GARRE1: variants seen among roughly 807,000 people sequenced by gnomAD.
GARRE1 encodes granule associated Rac and RHOG effector 1.
Under a neutral mutation model 103.2 loss-of-function variants are expected in GARRE1, and 49 were observed. That is an observed-to-expected ratio of 0.47 (90% CI 0.38 to 0.60). The LOEUF is 0.60. GARRE1 is among the 20% of genes least tolerant of loss of function. The pLI is 0.00. For synonymous variants in GARRE1, 505 were observed against 532.8 expected (o/e 0.95, Z 0.72); for missense variants, 1,199 against 1,370.5 (o/e 0.87, Z 1.98).
At chr19:34,298,652 G>A (rs576514204) in intron 1 of GARRE1, among the ~76,000 whole-genome samples, 9 of 152,114 alleles carry the variant, frequency 5.9e-5, no homozygotes, top group African/African-American at 2.2e-4. Flanking sequence ...GGAGGTTGTG[G>A]TGAGCTGAGA....
Position 34,342,055 on chromosome 19 carries a change from A to G in GARRE1, c.2121A>G (p.Ala707=), listed in dbSNP as rs376018602. The stretch of plus-strand genomic sequence containing the variant: ...CACCACGGGCACCCCAGGCTGGGGC[A>G]CACACACCTCTGACACCCCAGCCGG... The part of the protein sequence containing the change: ...PPPPRAPQAG[A]HTPLTPQPGL... Residue 707 remains alanine, a synonymous_variant, in exon 10 of 14, where the codon GCA becomes GCG. Transcript: ENST00000299505. 1.1e-4 allele frequency: 181 copies of G among 1,614,086 alleles called. No homozygotes were observed. The highest frequency in any genetic ancestry group is 1.4e-4 in the Non-Finnish European group (170 of 1,180,022).
chr19:34,283,924 C>T (rs866110256), intron 1 of GARRE1, among the ~76,000 whole-genome samples: 8 of 150,232 alleles, frequency 5.3e-5, no homozygotes, highest in African/African-American at 2.0e-4. Context: ...CTCCGCCTCC[C>T]AGGTTCATGC....
intron 6 of GARRE1, 124 bp from the exon 7 acceptor site, chr19:34,330,065 A>G (rs2074130283): frequency 3.4e-6 from 3 of 894,358 alleles, no homozygotes; most frequent in Non-Finnish European, 1.7e-6. Flanking sequence ...AGCTTGGACG[A>G]TAGAAAAATA....
intron 1 of GARRE1, among the ~76,000 whole-genome samples, chr19:34,281,861 G>C (rs1171968407): frequency 6.6e-6 from 1 of 151,978 alleles, no homozygotes; most frequent in Non-Finnish European, 1.5e-5. Flanking sequence ...ATATATTTAC[G>C]TAGTTCTAAA....
At chr19:34,346,806 C>T (rs1370863097) in intron 10 of GARRE1, among the ~76,000 whole-genome samples, 5 of 152,008 alleles carry the variant, frequency 3.3e-5, no homozygotes, top group South Asian at 2.1e-4. Flanking sequence ...TTAGTAGAGA[C>T]GGGGTTTCAC....
In GARRE1 at chr19:34,327,865, A is replaced by G; in HGVS notation, c.941A>G (p.Gln314Arg). The G allele has an allele frequency of 6.2e-7, 1 of 1,614,172 alleles. No homozygotes were observed. Among genetic ancestry groups the G allele is most frequent in the Non-Finnish European group, 8.5e-7 (1 of 1,179,980 alleles). The change falls in exon 5 of 14, where the codon CAG becomes CGG. Residue 314 changes from glutamine (Q) to arginine (R), a missense_variant and splice_region_variant. Gln to Arg is a conservative substitution (Grantham distance 43). Coordinates refer to ENST00000299505, the MANE Select transcript of GARRE1 (RefSeq NM_014686.5). The part of the protein sequence containing the change: ...LNPKAIEASL[Q>R]GCCSEAEAQQ... ...CCAAAGGCGATTGAAGCAAGTTTGC[A>G]GGTACACTTTTCCTTCCTAAAGCTC...
chr19:34,341,344 T>C (rs1216374472), intron 9 of GARRE1, 78 bp from the exon 10 acceptor site: 2 of 1,263,902 alleles, frequency 1.6e-6, no homozygotes, highest in South Asian at 1.4e-5. Flanking sequence ...TCAACGCCAT[T>C]CTTAAATACA....
intron 1 of GARRE1, among the ~76,000 whole-genome samples, chr19:34,295,856 G>A (rs532610757): frequency 1.3e-5 from 2 of 152,140 alleles, no homozygotes; most frequent in South Asian, 2.1e-4. Context: ...ATGTGAGGTC[G>A]GGGTCCAGAT....
intron 3 of GARRE1, among the ~76,000 whole-genome samples, chr19:34,321,663 A>T (rs1428105890): frequency 2.0e-5 from 3 of 152,046 alleles, no homozygotes; most frequent in Non-Finnish European, 4.4e-5. Flanking sequence ...TTTTTAGTAG[A>T]GGCAGGGTTT....
chr19:34,287,066 G>A (rs2073891438), intron 1 of GARRE1, among the ~76,000 whole-genome samples: 1 of 151,592 alleles, frequency 6.6e-6, no homozygotes, highest in Admixed American at 6.6e-5. Context: ...GTGAACCCAG[G>A]GGGCGGAGCT....
intron 2 of GARRE1, among the ~76,000 whole-genome samples, chr19:34,303,978 G>A (rs1424097863): frequency 6.6e-6 from 1 of 152,098 alleles, no homozygotes; most frequent in Middle Eastern, 3.2e-3. Context: ...TACTTTGTGG[G>A]CCCATCTATT....
chr19:34,287,604 G>A (rs2073894774), intron 1 of GARRE1, among the ~76,000 whole-genome samples: 1 of 152,200 alleles, frequency 6.6e-6, no homozygotes, highest in Admixed American at 6.5e-5. Flanking sequence ...GGTTGTCTTA[G>A]TTCAGGCTGC....
chr19:34,341,318 G>A, intron 9 of GARRE1, 104 bp from the exon 10 acceptor site: 1 of 914,382 alleles, frequency 1.1e-6, no homozygotes, highest in East Asian at 2.6e-5. Flanking sequence ...ACCAACCTGA[G>A]AGGTTTTTCT....
Position 34,327,790 on chromosome 19 carries a change from A to C in GARRE1, c.866A>C (p.Glu289Ala). ...SALQAYKIALESLGHCEYAMK... is the reference protein window; with the variant it reads ...SALQAYKIALASLGHCEYAMK... ...TTCCAGGCATATAAGATAGCTCTGG[A>C]AAGCTTAGGACACTGTGAATATGCA... Residue 289 changes from glutamate to alanine, a missense_variant, in exon 5 of 14, where the codon GAA becomes GCA. Physicochemically the swap from Glu to Ala is moderately radical, Grantham distance 107. Coordinates refer to ENST00000299505, the MANE Select transcript of GARRE1 (RefSeq NM_014686.5). The C allele has an allele frequency of 6.2e-7, 1 of 1,614,004 alleles. No homozygotes were observed. Among genetic ancestry groups the C allele is most frequent in the Non-Finnish European group, 8.5e-7 (1 of 1,179,918 alleles).
chr19:34,258,585 C>A (rs1377883344), intron 1 of GARRE1, among the ~76,000 whole-genome samples: 5 of 151,618 alleles, frequency 3.3e-5, no homozygotes, highest in African/African-American at 9.7e-5. Context: ...GAGACCGAGA[C>A]CATCTTGGCT....
intron 3 of GARRE1, among the ~76,000 whole-genome samples, chr19:34,326,541 G>A (rs1213043500): frequency 6.6e-6 from 1 of 152,108 alleles, no homozygotes; most frequent in Non-Finnish European, 1.5e-5. Flanking sequence ...ATAAACATAT[G>A]TAGTGACTGA....
At chr19:34,254,806 G>T (rs924810935) in intron 1 of GARRE1, among the ~76,000 whole-genome samples, 192 bp downstream of exon 1, 1 of 149,640 alleles carries the variant, frequency 6.7e-6, no homozygotes, top group South Asian at 2.1e-4. Flanking sequence ...GGAGGACGCC[G>T]GGCTTTGCGG....
At chr19:34,324,373 A>C (rs2074102422) in intron 3 of GARRE1, among the ~76,000 whole-genome samples, 1 of 152,136 alleles carries the variant, frequency 6.6e-6, no homozygotes, top group African/African-American at 2.4e-5. Flanking sequence ...GTAGTCTAAA[A>C]AGTAATTATT....
At chr19:34,263,265 G>GAT (rs1555778751) in intron 1 of GARRE1, among the ~76,000 whole-genome samples, 1 of 149,494 alleles carries the variant, frequency 6.7e-6, no homozygotes, top group Non-Finnish European at 1.5e-5. Flanking sequence ...TCTCGATAGA[G>GAT]AGATAGATAG....
Sources: gnomAD v4.1 joint callset for allele counts (sites outside exome capture counted in the v4.1 genomes callset) on GRCh38, gnomAD v4.1.1 for gene constraint, MANE v1.5 for transcripts, NCBI Gene and HGNC (gene_info 2026-07-23, HGNC 2026-07-21) for gene names.